SCHIP1: variants seen among roughly 807,000 people sequenced by gnomAD.
The protein encoded by SCHIP1 is schwannomin-interacting protein 1.
A neutral mutation model predicts 29.7 loss-of-function variants in SCHIP1; 8 were observed. The ratio of observed to expected loss-of-function variants is 0.27; its 90% confidence interval spans 0.16 to 0.49. The LOEUF (loss-of-function observed/expected upper bound fraction) is 0.49, where lower values mean the gene tolerates loss of function less well. Among genes scored for constraint, SCHIP1 ranks in the 20% least tolerant of loss-of-function variants. The pLI, the probability that SCHIP1 is intolerant of heterozygous loss-of-function variation, is 0.99. For synonymous variants in SCHIP1, 76 were observed against 94.9 expected, an observed-to-expected ratio of 0.80 and a Z score of 1.16; for missense variants, 193 against 294.6, an observed-to-expected ratio of 0.66 and a Z score of 2.52.
chr3:159,484,467 A>C, the SCHIP1 span, among the ~76,000 whole-genome samples: 4 of 152,176 alleles, frequency 2.6e-5, no homozygotes, highest in Non-Finnish European at 5.9e-5. Flanking sequence ...TCTCCATGGT[A>C]TGAATGGGAA....
the SCHIP1 span, among the ~76,000 whole-genome samples, chr3:159,596,439 C>G: frequency 6.6e-6 from 1 of 152,150 alleles, no homozygotes; most frequent in Non-Finnish European, 1.5e-5. Flanking sequence ...CCCAGCCATC[C>G]TATTACTAGG....
chr3:159,274,229 C>G, the SCHIP1 span: 2 of 985,212 alleles, frequency 2.0e-6, no homozygotes, highest in Non-Finnish European at 2.4e-6. Context: ...ATCTGTTGCC[C>G]TTTGTATGCA....
chr3:159,328,971 A>G, the SCHIP1 span, among the ~76,000 whole-genome samples: 7 of 152,216 alleles, frequency 4.6e-5, no homozygotes, highest in Non-Finnish European at 1.0e-4. Flanking sequence ...ATAAAATAAC[A>G]TAATGTAGGT....
At chr3:159,762,588 C>T in the SCHIP1 span, among the ~76,000 whole-genome samples, 1 of 152,150 alleles carries the variant, frequency 6.6e-6, no homozygotes, top group Non-Finnish European at 1.5e-5. Context: ...TGGTTCTCTC[C>T]GATTTGTTAT....
chr3:159,287,474 A>C, the SCHIP1 span, among the ~76,000 whole-genome samples: 1 of 151,860 alleles, frequency 6.6e-6, no homozygotes, highest in Non-Finnish European at 1.5e-5. Flanking sequence ...ATTATCTTTT[A>C]GTAATTTGTG....
At chr3:159,627,186 A>G in the SCHIP1 span, among the ~76,000 whole-genome samples, 1 of 152,166 alleles carries the variant, frequency 6.6e-6, no homozygotes, top group Admixed American at 6.5e-5. Flanking sequence ...AGCTTCATCC[A>G]TGTCCCCGCA....
At chr3:159,733,529 C>A in the SCHIP1 span, among the ~76,000 whole-genome samples, 1 of 152,164 alleles carries the variant, frequency 6.6e-6, no homozygotes, top group African/African-American at 2.4e-5. Flanking sequence ...GGTCCTCTTT[C>A]CTCCTAGTTG....
chr3:159,671,348 C>T, the SCHIP1 span, among the ~76,000 whole-genome samples: 1 of 152,140 alleles, frequency 6.6e-6, no homozygotes, highest in African/African-American at 2.4e-5. Flanking sequence ...ACTCTGAGCC[C>T]TAGGCAGTGT....
At chr3:159,790,433 G>A in the SCHIP1 span, among the ~76,000 whole-genome samples, 1 of 152,324 alleles carries the variant, frequency 6.6e-6, no homozygotes, top group South Asian at 2.1e-4. Flanking sequence ...GCTCACGCCT[G>A]TAATCCCAGC....
the SCHIP1 span, among the ~76,000 whole-genome samples, chr3:159,656,444 G>A: frequency 6.6e-6 from 1 of 152,078 alleles, no homozygotes; most frequent in African/African-American, 2.4e-5. Context: ...TCGAAGAAAG[G>A]CGAGCCCACT....
At chr3:159,615,382 T>A in the SCHIP1 span, among the ~76,000 whole-genome samples, 1 of 152,246 alleles carries the variant, frequency 6.6e-6, no homozygotes, top group Non-Finnish European at 1.5e-5. Context: ...TTATGAATTA[T>A]CACTCTGGTT....
At chr3:159,843,779 C>T (rs532482499) in intron 1 of SCHIP1, among the ~76,000 whole-genome samples, 38 of 144,724 alleles carry the variant, frequency 2.6e-4, no homozygotes, top group Admixed American at 2.2e-3. Context: ...GCTGAGATCA[C>T]GCCACTGCGC....
the SCHIP1 span, among the ~76,000 whole-genome samples, chr3:159,626,744 G>A: frequency 2.6e-5 from 4 of 152,144 alleles, no homozygotes; most frequent in Admixed American, 6.5e-5. Flanking sequence ...TGTGTGGTTT[G>A]TTGTCCCCTG....
At chr3:159,602,014 C>T in the SCHIP1 span, among the ~76,000 whole-genome samples, 2 of 152,180 alleles carry the variant, frequency 1.3e-5, no homozygotes, top group Non-Finnish European at 2.9e-5. Flanking sequence ...GAACAAGTTC[C>T]TTGTCTGGTT....
At chr3:159,403,396 GA>G in the SCHIP1 span, among the ~76,000 whole-genome samples, 1 of 152,046 alleles carries the variant, frequency 6.6e-6, no homozygotes, top group Non-Finnish European at 1.5e-5. Flanking sequence ...GAAGTGGACA[GA>G]AAAAACAGTC....
chr3:159,380,446 G>A, the SCHIP1 span, among the ~76,000 whole-genome samples: 1 of 152,022 alleles, frequency 6.6e-6, no homozygotes, highest in Non-Finnish European at 1.5e-5. Context: ...ACATGACATG[G>A]TCAGATAGAA....
the SCHIP1 span, among the ~76,000 whole-genome samples, chr3:159,561,044 C>T: frequency 6.6e-6 from 1 of 152,094 alleles, no homozygotes; most frequent in African/African-American, 2.4e-5. Context: ...ATAATCCTGA[C>T]GTTTATACAC....
chr3:159,369,520 G>A, the SCHIP1 span, among the ~76,000 whole-genome samples: 1 of 151,998 alleles, frequency 6.6e-6, no homozygotes, highest in Admixed American at 6.6e-5. Context: ...TTTGGGGGGG[G>A]AATAAAATAA....
the SCHIP1 span, among the ~76,000 whole-genome samples, chr3:159,361,238 G>T: frequency 6.6e-6 from 1 of 152,204 alleles, no homozygotes; most frequent in African/African-American, 2.4e-5. Context: ...GGATGATATG[G>T]TTGCTAAATA....
Sources: gnomAD v4.1 joint callset for allele counts (sites outside exome capture counted in the v4.1 genomes callset) on GRCh38, gnomAD v4.1.1 for gene constraint, MANE v1.5 for transcripts, NCBI Gene and HGNC (gene_info 2026-07-23, HGNC 2026-07-21) for gene names.